The following CPVL variants were observed in gnomAD, a reference collection of about 807,000 sequenced individuals.
CPVL encodes the protein probable serine carboxypeptidase CPVL.
In CPVL, 51 loss-of-function variants were observed where a neutral mutation model predicts 63.7. The observed-to-expected ratio is 0.80, with a 90% CI of 0.64 to 1.01. CPVL has a LOEUF of 1.01. CPVL is among the 50% of genes least tolerant of loss of function. The probability of loss-of-function intolerance (pLI) is 0.00; values close to 1 mark genes in which losing one functional copy is unlikely to be tolerated. For synonymous variants in CPVL, 195 were observed against 206.0 expected (o/e 0.95, Z 0.46); for missense variants, 530 against 573.1 (o/e 0.92, Z 0.77).
At chr7:29,027,172 G>T (rs1418708988) in intron 12 of CPVL, among the ~76,000 whole-genome samples, 1 of 152,106 alleles carries the variant, frequency 6.6e-6, no homozygotes, top group Non-Finnish European at 1.5e-5. Context: ...GAAATGCAAG[G>T]ATGGTTCAAC....
intron 1 of CPVL, among the ~76,000 whole-genome samples, chr7:29,142,683 G>T (rs545235276): frequency 6.6e-6 from 1 of 152,002 alleles, no homozygotes; most frequent in Admixed American, 6.6e-5. Context: ...GCACCACCAC[G>T]CCTGGTTAAT....
At chr7:29,052,268 C>T (rs1245876073) in intron 11 of CPVL, among the ~76,000 whole-genome samples, 1 of 151,372 alleles carries the variant, frequency 6.6e-6, no homozygotes, top group African/African-American at 2.4e-5. Flanking sequence ...CAAATACTAA[C>T]TGTACCCCAA....
intron 9 of CPVL, among the ~76,000 whole-genome samples, chr7:29,069,813 T>C (rs879696413): frequency 1.4e-5 from 2 of 144,768 alleles, no homozygotes; most frequent in Non-Finnish European, 3.1e-5. Context: ...TGTGTGTGTG[T>C]GTGTGTGTGT....
At chr7:29,090,778 C>T (rs573313319) in intron 6 of CPVL, among the ~76,000 whole-genome samples, 17 of 152,242 alleles carry the variant, frequency 1.1e-4, no homozygotes, top group African/African-American at 2.9e-4. Flanking sequence ...ACATCTTGTT[C>T]GTGAAAAAGT....
chr7:29,093,734 A>G (rs1714147416), intron 5 of CPVL, among the ~76,000 whole-genome samples: 1 of 152,202 alleles, frequency 6.6e-6, no homozygotes, highest in Non-Finnish European at 1.5e-5. Flanking sequence ...TTTGTTTTCC[A>G]AACACCCAAG....
chr7:29,146,869 A>G (rs1263994952), upstream of CPVL: 2 of 1,551,176 alleles, frequency 1.3e-6, no homozygotes, highest in Middle Eastern at 3.3e-4. Context: ...CAAGCCCAGG[A>G]TTTACATTTG....
At chr7:29,115,798 G>A (rs1002865066) in intron 2 of CPVL, among the ~76,000 whole-genome samples, 2 of 151,958 alleles carry the variant, frequency 1.3e-5, no homozygotes, top group Non-Finnish European at 2.9e-5. Flanking sequence ...ATATATAATA[G>A]AAAGGAGCTG....
chr7:29,027,699 AAAGAAATC>A (rs1787635018), intron 12 of CPVL, among the ~76,000 whole-genome samples: 1 of 152,230 alleles, frequency 6.6e-6, no homozygotes, highest in South Asian at 2.1e-4. Flanking sequence ...ACTAGCTAAA[AAAGAAATC>A]AAGAAAGCAA....
At chr7:29,040,055 T>A (rs1788921232) in intron 11 of CPVL, among the ~76,000 whole-genome samples, 1 of 151,754 alleles carries the variant, frequency 6.6e-6, no homozygotes, top group East Asian at 1.9e-4. Context: ...TAGTTTTGAA[T>A]GTTCTCCTGT....
chr7:29,099,552 A>G (rs1786857273), intron 3 of CPVL, among the ~76,000 whole-genome samples: 1 of 152,156 alleles, frequency 6.6e-6, no homozygotes, highest in South Asian at 2.1e-4. Context: ...TCTCTACTAA[A>G]AATACAAAAA....
intron 12 of CPVL, among the ~76,000 whole-genome samples, chr7:29,016,539 GTAACCTC>G (rs1267411290): frequency 6.6e-6 from 1 of 152,066 alleles, no homozygotes; most frequent in Non-Finnish European, 1.5e-5. Flanking sequence ...TTCCCTAGAT[GTAACCTC>G]TAGCTGAAGG....
intron 7 of CPVL, among the ~76,000 whole-genome samples, chr7:29,074,339 A>C (rs975833720): frequency 6.6e-6 from 1 of 152,198 alleles, no homozygotes; most frequent in Admixed American, 6.5e-5. Flanking sequence ...AGGTGTGTTC[A>C]TATGTCTGAA....
At chr7:29,146,237 C>G in intron 1 of CPVL, 192 bp downstream of exon 1, 1 of 210,226 alleles carries the variant, frequency 4.8e-6, no homozygotes, top group Non-Finnish European at 9.5e-6. Context: ...CGCAGTACAT[C>G]CCCAATGCTC....
intron 5 of CPVL, among the ~76,000 whole-genome samples, chr7:29,173,649 A>G (rs933237666): frequency 6.6e-6 from 1 of 152,046 alleles, no homozygotes; most frequent in Non-Finnish European, 1.5e-5. Context: ...GGTTGTTGCC[A>G]TGGAGTGAGT....
At chr7:29,167,233 T>C (rs1251533744) in intron 5 of CPVL, among the ~76,000 whole-genome samples, 1 of 152,220 alleles carries the variant, frequency 6.6e-6, no homozygotes, top group Non-Finnish European at 1.5e-5. Context: ...AAATAATATA[T>C]TAATTTTAAC....
intron 12 of CPVL, among the ~76,000 whole-genome samples, chr7:29,002,109 G>A (rs904394369): frequency 9.2e-5 from 14 of 152,106 alleles, no homozygotes; most frequent in Non-Finnish European, 1.6e-4. Context: ...TGACCAAGAC[G>A]CCAAGTCAAA....
At chr7:29,088,146 T>C (rs1785398153) in intron 6 of CPVL, among the ~76,000 whole-genome samples, 1 of 152,202 alleles carries the variant, frequency 6.6e-6, no homozygotes, top group Non-Finnish European at 1.5e-5. Flanking sequence ...TGGAGAGTCA[T>C]TAGGGTTGCT....
At chr7:29,181,863 G>T (rs775740070) in intron 4 of CPVL, among the ~76,000 whole-genome samples, 12 of 151,972 alleles carry the variant, frequency 7.9e-5, no homozygotes, top group Non-Finnish European at 1.5e-4. Context: ...ATTCCTAAGG[G>T]GGGGAAAAGT....
At chr7:29,190,670 A>T (rs45174) in intron 1 of CPVL, among the ~76,000 whole-genome samples, 49,769 of 152,034 alleles carry the variant, frequency 0.33, 8,682 homozygotes, top group African/African-American at 0.44. Context: ...GTCTTTTTTG[A>T]TCACAGCAAA....
Sources: allele counts gnomAD v4.1 joint callset (sites outside exome capture counted in the v4.1 genomes callset), GRCh38; gene constraint gnomAD v4.1.1; transcripts MANE v1.5; gene names NCBI Gene and HGNC (gene_info 2026-07-23, HGNC 2026-07-21).